NRG3: variants seen among roughly 807,000 people sequenced by gnomAD.
The protein encoded by NRG3 is pro-neuregulin-3, membrane-bound isoform.
In NRG3, 31 loss-of-function variants were observed where a neutral mutation model predicts 66.9. The observed-to-expected ratio is 0.46, with a 90% CI of 0.35 to 0.63. NRG3 has a LOEUF of 0.63. Ranked by LOEUF, NRG3 falls within the 20% of genes least tolerant of loss-of-function variation. The pLI, the probability that NRG3 is intolerant of heterozygous loss-of-function variation, is 0.00. For synonymous variants in NRG3, 393 were observed against 359.4 expected (o/e 1.09, Z -1.06); for missense variants, 910 against 878.9 (o/e 1.04, Z -0.45).
At chr10:82,968,386 G>A (rs760942188) in intron 6 of NRG3, among the ~76,000 whole-genome samples, 1 of 151,894 alleles carries the variant, frequency 6.6e-6, no homozygotes, top group Non-Finnish European at 1.5e-5. Flanking sequence ...AATAAATTCT[G>A]GAAACACATT....
intron 2 of NRG3, among the ~76,000 whole-genome samples, chr10:82,500,850 G>A (rs778923767): frequency 1.2e-4 from 18 of 152,060 alleles, no homozygotes; most frequent in Non-Finnish European, 2.6e-4. Context: ...CTAAACTCGG[G>A]TATCAACAAT....
chr10:82,344,782 T>A (rs2082897925), intron 1 of NRG3, among the ~76,000 whole-genome samples: 1 of 131,424 alleles, frequency 7.6e-6, no homozygotes, highest in Middle Eastern at 3.5e-3. Flanking sequence ...GGTATCTCAT[T>A]GTGGTTTTGA....
In NRG3 at chr10:82,726,701, G is replaced by A. The variant is rs144841237; in HGVS notation, c.954-11876G>A. On this transcript the variant is annotated intron_variant, in intron 2 of 8. Coordinates refer to ENST00000372141, the MANE Select transcript of NRG3 (RefSeq NM_001010848.4). The stretch of plus-strand genomic sequence containing the variant: ...ACATTAAATTTGTTACCAGTAGAGC[G>A]GGACCCTGCTGAAAAGATAACTGAA... 9.9e-5 allele frequency among the ~76,000 whole-genome samples: 15 copies of A among 152,140 alleles called. No individual in the cohort carries two copies. In the East Asian group the frequency reaches 1.9e-3, roughly 20 times the overall value.
chr10:82,288,887 G>T (rs1405921349), intron 1 of NRG3, among the ~76,000 whole-genome samples: 1 of 152,142 alleles, frequency 6.6e-6, no homozygotes, highest in Non-Finnish European at 1.5e-5. Context: ...TATCAGAACT[G>T]GTCAACCTAT....
chr10:82,769,805 C>A (rs1054225480), intron 3 of NRG3, among the ~76,000 whole-genome samples: 1 of 151,948 alleles, frequency 6.6e-6, no homozygotes, highest in African/African-American at 2.4e-5. Flanking sequence ...TAAATATAAC[C>A]AAATATAACA....
chr10:82,505,129 G>A (rs1844552334), intron 2 of NRG3, among the ~76,000 whole-genome samples: 1 of 152,174 alleles, frequency 6.6e-6, no homozygotes, highest in Non-Finnish European at 1.5e-5. Context: ...ATTATTTAAA[G>A]TCCTACCCTC....
intron 2 of NRG3, among the ~76,000 whole-genome samples, chr10:82,387,049 C>T (rs2086047311): frequency 6.6e-6 from 1 of 152,242 alleles, no homozygotes; most frequent in African/African-American, 2.4e-5. Flanking sequence ...ATCTGCCCGC[C>T]TTGGCCTCAC....
intron 4 of NRG3, among the ~76,000 whole-genome samples, chr10:82,897,995 G>A (rs1843825689): frequency 6.6e-6 from 1 of 152,148 alleles, no homozygotes; most frequent in East Asian, 1.9e-4. Context: ...TAGCCTTACA[G>A]CCCAGCAACT....
intron 1 of NRG3, among the ~76,000 whole-genome samples, chr10:82,260,159 G>T (rs2077949749): frequency 6.6e-6 from 1 of 152,172 alleles, no homozygotes; most frequent in Admixed American, 6.6e-5. Context: ...CATCTTCATA[G>T]TCAGGCTAAA....
intron 1 of NRG3, among the ~76,000 whole-genome samples, chr10:82,353,589 G>T (rs77127850): frequency 6.6e-6 from 1 of 152,050 alleles, no homozygotes; most frequent in African/African-American, 2.4e-5. Context: ...AGACCGAAAC[G>T]TATAAAAAAA....
intron 2 of NRG3, among the ~76,000 whole-genome samples, chr10:82,414,438 AT>A (rs1802784515): frequency 6.6e-6 from 1 of 152,288 alleles, no homozygotes; most frequent in South Asian, 2.1e-4. Context: ...ACAGATCATC[AT>A]AACAGATATA....
intron 3 of NRG3, among the ~76,000 whole-genome samples, chr10:82,831,631 A>G (rs1296275882): frequency 6.6e-6 from 1 of 152,038 alleles, no homozygotes; most frequent in African/African-American, 2.4e-5. Flanking sequence ...CCTGACCAAC[A>G]GGGTGAAACC....
At chr10:82,152,039 G>T (rs1564613813) in intron 1 of NRG3, among the ~76,000 whole-genome samples, 1 of 152,190 alleles carries the variant, frequency 6.6e-6, no homozygotes, top group Non-Finnish European at 1.5e-5. Flanking sequence ...GAAATCAGGT[G>T]TTGGCAAACT....
chr10:82,698,009 G>A (rs1462013056), intron 2 of NRG3, among the ~76,000 whole-genome samples: 2 of 152,096 alleles, frequency 1.3e-5, no homozygotes, highest in Non-Finnish European at 1.5e-5. Context: ...ATTGTAAACA[G>A]CTAAATTTAT....
rs1554942726 is a variant in NRG3, at chr10:82,491,295, T to TATATATATATATATATATAC, written c.953+132446_953+132447insCATATATATATATATATATA. On this transcript the variant is annotated intron_variant, in intron 2 of 8. Coordinates refer to ENST00000372141, the MANE Select transcript of NRG3 (RefSeq NM_001010848.4). ...TTCTGCCTATGCTGTTCCCATAAAATATATATATATATATATATATAAAAT... is the reference window on the plus strand; with the variant it reads ...TTCTGCCTATGCTGTTCCCATAAAATATATATATATATATATATACATATATATATATATATATATAAAAT... Among the ~76,000 whole-genome samples the TATATATATATATATATATAC allele has an allele frequency of 1.3e-4, 16 of 126,890 alleles. 1 individual carries two copies. Among genetic ancestry groups the TATATATATATATATATATAC allele is most frequent in the African/African-American group, 4.3e-4 (16 of 37,110 alleles). 83.2% of individuals were successfully genotyped at this position (126,890 alleles called of 152,430 possible). A position where few individuals can be genotyped will look rare whatever the true frequency, so the allele number is the denominator to read the frequency against.
chr10:82,849,254 A>G (rs1470014597), intron 3 of NRG3, among the ~76,000 whole-genome samples: 1 of 152,152 alleles, frequency 6.6e-6, no homozygotes, highest in Non-Finnish European at 1.5e-5. Context: ...TTGCCAGTGA[A>G]CCATCAGAAG....
intron 1 of NRG3, among the ~76,000 whole-genome samples, chr10:82,217,657 A>G (rs182515776): frequency 1.3e-5 from 2 of 152,316 alleles, no homozygotes; most frequent in Non-Finnish European, 2.9e-5. Flanking sequence ...TAGTTGCCTA[A>G]CAGATAGAGT....
intron 2 of NRG3, among the ~76,000 whole-genome samples, chr10:82,692,209 C>T (rs2054986503): frequency 6.7e-6 from 1 of 149,382 alleles, no homozygotes. Flanking sequence ...GCTGAGATTG[C>T]ATCACTCACT....
At chr10:81,986,468 A>G (rs953640245) in intron 1 of NRG3, among the ~76,000 whole-genome samples, 2 of 152,196 alleles carry the variant, frequency 1.3e-5, no homozygotes, top group African/African-American at 4.8e-5. Flanking sequence ...AGTACAAATC[A>G]TGAAACCTAA....
Sources: allele counts gnomAD v4.1 joint callset (sites outside exome capture counted in the v4.1 genomes callset), GRCh38; gene constraint gnomAD v4.1.1; transcripts MANE v1.5; gene names NCBI Gene and HGNC (gene_info 2026-07-23, HGNC 2026-07-21).